GALNT5: variants seen among roughly 807,000 people sequenced by gnomAD.
GALNT5 encodes polypeptide N-acetylgalactosaminyltransferase 5, also known as UDP-GalNAc:polypeptide N-acetylgalactosaminyltransferase 5.
Under a neutral mutation model 85.4 loss-of-function variants are expected in GALNT5, and 72 were observed. That is an observed-to-expected ratio of 0.84 (90% CI 0.70 to 1.03). The LOEUF (loss-of-function observed/expected upper bound fraction) is 1.03. Ranked by LOEUF, GALNT5 falls within the 50% of genes least tolerant of loss-of-function variation. The pLI is 0.00. For missense variants in GALNT5, 1,137 were observed against 1,135.5 expected, an observed-to-expected ratio of 1.00 and a Z score of -0.02; for synonymous variants, 404 against 397.0, an observed-to-expected ratio of 1.02 and a Z score of -0.21.
intron 1 of GALNT5, among the ~76,000 whole-genome samples, chr2:157,278,710 T>C (rs1350996446): frequency 6.6e-6 from 1 of 152,190 alleles, no homozygotes; most frequent in Admixed American, 6.5e-5. Flanking sequence ...AGTTAGCCAT[T>C]CGTCTAGTGT....
intron 6 of GALNT5, among the ~76,000 whole-genome samples, 157 bp downstream of exon 6, chr2:157,299,822 T>G (rs946246733): frequency 6.6e-6 from 1 of 152,344 alleles, no homozygotes; most frequent in Middle Eastern, 3.4e-3. Flanking sequence ...TATCTCAGAT[T>G]GAATTTGGAA....
At chr2:157,265,002 A>G (rs1193336772) in intron 1 of GALNT5, among the ~76,000 whole-genome samples, 5 of 152,158 alleles carry the variant, frequency 3.3e-5, no homozygotes, top group African/African-American at 1.2e-4. Flanking sequence ...TGAGAAACCA[A>G]TTGGAGGCAG....
At chr2:157,279,148 G>A (rs1682800744) in intron 1 of GALNT5, among the ~76,000 whole-genome samples, 1 of 152,192 alleles carries the variant, frequency 6.6e-6, no homozygotes, top group African/African-American at 2.4e-5. Flanking sequence ...ACCAGTGGAG[G>A]CTGCAGAACA....
rs1054584057 is a variant in GALNT5, at chr2:157,317,063, A to G, written c.*5715A>G. Among the ~76,000 whole-genome samples, 1 of 151,622 alleles carries G rather than the reference A, an allele frequency of 6.6e-6. No homozygotes were observed. Among genetic ancestry groups the G allele is most frequent in the Admixed American group, 6.6e-5 (1 of 15,206 alleles). On this transcript the variant is annotated 3_prime_UTR_variant, in exon 10 of 10. Coordinates refer to ENST00000259056, the MANE Select transcript of GALNT5 (RefSeq NM_014568.3). The stretch of plus-strand genomic sequence containing the variant: ...AAGGATATTGGTCATAAGCATCTAT[A>G]TAATAAACCCTTTATATTAGATGTT...
chr2:157,302,028 C>T (rs998725388), intron 7 of GALNT5: 1 of 152,174 alleles, frequency 6.6e-6, no homozygotes, highest in Non-Finnish European at 1.5e-5. Flanking sequence ...ATTAGTCAAG[C>T]CTTCAGCTGG....
intron 2 of GALNT5, among the ~76,000 whole-genome samples, chr2:157,285,061 C>G (rs1682941406): frequency 1.3e-5 from 2 of 152,180 alleles, no homozygotes; most frequent in Non-Finnish European, 2.9e-5. Flanking sequence ...GGTGGTCTGA[C>G]AGCCACATTA....
chr2:157,267,482 A>G lies in GALNT5; in HGVS notation c.1454+7946A>G, dbSNP rs112237723. On this transcript the variant is annotated intron_variant, in intron 1 of 9. Transcript: ENST00000259056. ...TGTTAATACTAGGTGAAGATTTGAA[A>G]GTTTTCTAATCTAGTCCTTTATGTT... Among the ~76,000 whole-genome samples the G allele has an allele frequency of 4.5e-3, 689 of 152,336 alleles. 10 individuals carry two copies. Among genetic ancestry groups the G allele is most frequent in the African/African-American group, 0.015 (637 of 41,584 alleles).
In GALNT5 at chr2:157,311,190, G is replaced by A. The variant is rs764512880; in HGVS notation, c.2683-18G>A. 5.2e-5 allele frequency: 83 copies of A among 1,598,136 alleles called. No homozygotes were observed. Among genetic ancestry groups the A allele is most frequent in the Non-Finnish European group, 6.8e-5 (79 of 1,170,216 alleles). Reference sequence around the variant, plus strand: ...AAATTCAGCCTGTGGCTCATTCCCAGCTCTTCTTTCTCTCCAGGTGAATCA... The same window carrying A: ...AAATTCAGCCTGTGGCTCATTCCCAACTCTTCTTTCTCTCCAGGTGAATCA... On this transcript the variant is annotated intron_variant, in intron 9 of 9. Coordinates refer to ENST00000259056, the MANE Select transcript of GALNT5 (RefSeq NM_014568.3).
At chr2:157,287,505 G>T (rs1339630478) in intron 3 of GALNT5, among the ~76,000 whole-genome samples, 1 of 151,526 alleles carries the variant, frequency 6.6e-6, no homozygotes, top group Non-Finnish European at 1.5e-5. Flanking sequence ...CATTATTCTT[G>T]TTGGTGTTCA....
chr2:157,309,031 T>C (rs1683515244), intron 9 of GALNT5, among the ~76,000 whole-genome samples: 1 of 152,180 alleles, frequency 6.6e-6, no homozygotes, highest in Non-Finnish European at 1.5e-5. Context: ...GCTTAAAGGC[T>C]AGAACTGGTC....
Position 157,286,114 on chromosome 2 carries a change from C to A in GALNT5, c.1721C>A (p.Ala574Glu). The A allele has an allele frequency of 6.2e-7, 1 of 1,613,296 alleles. No homozygotes were observed. Among genetic ancestry groups the A allele is most frequent in the East Asian group, 2.2e-5 (1 of 44,838 alleles). ...CATGGCTTAATAAGGGCCAGGCTGG[C>A]AGGAGCACAGAATGCAACAGGTAAG... is the stretch of plus-strand genomic sequence containing the variant. The part of the protein sequence containing the change: ...ERHGLIRARL[A>E]GAQNATGDVL... Residue 574 changes from alanine (A) to glutamate (E), a missense_variant, in exon 3 of 10, where the codon GCA becomes GAA. Transcript: ENST00000259056.
chr2:157,296,744 A>C (rs1432555948), intron 5 of GALNT5, among the ~76,000 whole-genome samples: 1 of 152,204 alleles, frequency 6.6e-6, no homozygotes. Context: ...AAATTCACTA[A>C]TGCTATCCTG....
At chr2:157,268,875 C>T (rs1400298987) in intron 1 of GALNT5, among the ~76,000 whole-genome samples, 1 of 152,092 alleles carries the variant, frequency 6.6e-6, no homozygotes, top group East Asian at 1.9e-4. Flanking sequence ...AATAAATAGG[C>T]ATATAGAATA....
At position 157,267,174 on chromosome 2, in the gene GALNT5, G is replaced by C. The variant is rs542553638; in HGVS notation, c.1454+7638G>C. Among the ~76,000 whole-genome samples, 8 of 152,274 alleles carry C rather than the reference G, an allele frequency of 5.3e-5. No homozygotes were observed. The South Asian group carries it at 1.2e-3, about 24-fold the overall frequency. Reference sequence around the variant, plus strand: ...TTGAGCTGCAACCTGAAAGAGTAGAGAGTCAGAGAAATGGAGAAAGCAGTA... The same window carrying C: ...TTGAGCTGCAACCTGAAAGAGTAGACAGTCAGAGAAATGGAGAAAGCAGTA... On this transcript the variant is annotated intron_variant, in intron 1 of 9. Transcript: ENST00000259056.
intron 1 of GALNT5, among the ~76,000 whole-genome samples, chr2:157,261,943 T>A (rs531602386): frequency 6.6e-6 from 1 of 152,190 alleles, no homozygotes; most frequent in Non-Finnish European, 1.5e-5. Flanking sequence ...GAAGTCAGCA[T>A]AAGGGGAAAT....
In GALNT5 at chr2:157,316,846, G is replaced by A. The variant is rs190817298; in HGVS notation, c.*5498G>A. 8.7e-4 allele frequency among the ~76,000 whole-genome samples: 133 copies of A among 152,096 alleles called. No individual in the cohort carries two copies. Among genetic ancestry groups the A allele is most frequent in the Admixed American group, 1.6e-3 (25 of 15,274 alleles). ...TTATCATTTCAATTAGAGTCGCTTT[G>A]CAAGTTTATGTGAATCTTTGCTTTG... is the stretch of plus-strand genomic sequence containing the variant. On this transcript the variant is annotated 3_prime_UTR_variant, in exon 10 of 10. Coordinates refer to ENST00000259056, the MANE Select transcript of GALNT5 (RefSeq NM_014568.3).
chr2:157,289,377 G>C (rs1303768558), intron 3 of GALNT5, among the ~76,000 whole-genome samples: 1 of 152,154 alleles, frequency 6.6e-6, no homozygotes, highest in African/African-American at 2.4e-5. Flanking sequence ...AAACCATTTT[G>C]ACAATGGCTT....
chr2:157,296,346 G>A, intron 4 of GALNT5, 48 bp from the exon 5 acceptor site: 1 of 1,465,818 alleles, frequency 6.8e-7, no homozygotes, highest in Admixed American at 1.7e-5. Flanking sequence ...AGTATATAAA[G>A]ATGTATATAA....
chr2:157,311,356 C>T lies in GALNT5; in HGVS notation c.*8C>T. ...AAATATTATGAAGCCTGAAGTGTAACTGATGTTTTTATATAGTAAACCCAT... is the reference window on the plus strand; with the variant it reads ...AAATATTATGAAGCCTGAAGTGTAATTGATGTTTTTATATAGTAAACCCAT... On this transcript the variant is annotated 3_prime_UTR_variant, in exon 10 of 10. Transcript: ENST00000259056. The T allele has an allele frequency of 6.3e-7, 1 of 1,577,152 alleles. No individual in the cohort carries two copies. Among genetic ancestry groups the T allele is most frequent in the Non-Finnish European group, 8.7e-7 (1 of 1,155,988 alleles).
Sources: allele counts gnomAD v4.1 joint callset (sites outside exome capture counted in the v4.1 genomes callset), GRCh38; gene constraint gnomAD v4.1.1; transcripts MANE v1.5; gene names NCBI Gene and HGNC (gene_info 2026-07-23, HGNC 2026-07-21).